Variants in AFF2 observed in about 807,000 individuals in gnomAD.
AFF2 encodes the protein ALF transcription elongation factor 2, also known as AF4/FMR2 family member 2.
AFF2 carries 14 observed loss-of-function variants against 76.9 expected under a neutral mutation model. The ratio of observed to expected loss-of-function variants is 0.18; its 90% confidence interval spans 0.12 to 0.28. The LOEUF is 0.28. Ranked by LOEUF, AFF2 falls within the 10% of genes least tolerant of loss-of-function variation. The pLI is 1.00. For synonymous variants in AFF2, 398 were observed against 366.7 expected (o/e 1.09, Z -0.98); for missense variants, 868 against 1,001.1 (o/e 0.87, Z 1.79).
At chrX:148,667,445 A>G (rs782498191) in intron 3 of AFF2, among the ~76,000 whole-genome samples, 23 of 112,022 alleles carry the variant, frequency 2.1e-4, no homozygotes, top group Non-Finnish European at 3.8e-4. Context: ...GCTGTTTACA[A>G]CTCATGCTAA....
At chrX:148,853,145 A>C (rs781868984) in intron 7 of AFF2, among the ~76,000 whole-genome samples, 13 of 112,062 alleles carry the variant, frequency 1.2e-4, no homozygotes, top group African/African-American at 4.2e-4. Context: ...TAATTGTTAA[A>C]TACGAAGGAA....
chrX:148,951,792 G>A (rs2071971853), intron 9 of AFF2, among the ~76,000 whole-genome samples: 1 of 106,564 alleles, frequency 9.4e-6, no homozygotes, highest in Admixed American at 9.7e-5. Flanking sequence ...GGAAATAGGA[G>A]CCCTGTTATA....
At chrX:148,750,468 G>A (rs782628408) in intron 3 of AFF2, among the ~76,000 whole-genome samples, 56 of 111,293 alleles carry the variant, frequency 5.0e-4, no homozygotes, top group African/African-American at 1.8e-3. Flanking sequence ...CCATCCCTCA[G>A]CATGAGGTAT....
chrX:148,839,799 C>T (rs915665926), intron 5 of AFF2, among the ~76,000 whole-genome samples: 9 of 110,649 alleles, frequency 8.1e-5, no homozygotes, highest in Non-Finnish European at 1.7e-4. Flanking sequence ...GAGCTGCCTT[C>T]CCAGCTGCTT....
intron 1 of AFF2, among the ~76,000 whole-genome samples, chrX:148,562,855 G>T (rs1472630623): frequency 1.8e-5 from 2 of 111,913 alleles, no homozygotes; most frequent in South Asian, 7.4e-4. Context: ...CTGGTTGCAT[G>T]GAGTTTACAT....
At chrX:148,932,281 A>G (rs1408729388) in intron 9 of AFF2, among the ~76,000 whole-genome samples, 2 of 112,267 alleles carry the variant, frequency 1.8e-5, no homozygotes, top group Non-Finnish European at 3.8e-5. Context: ...ACAAGCTAGA[A>G]TTATTCTGGA....
chrX:148,579,485 C>CGT (rs1557244022), intron 1 of AFF2, among the ~76,000 whole-genome samples: 18 of 110,391 alleles, frequency 1.6e-4, no homozygotes, highest in Admixed American at 1.3e-3. Flanking sequence ...CACAGCTACA[C>CGT]GTTTTGAAAA....
chrX:148,750,869 A>G (rs1489689883), intron 3 of AFF2, among the ~76,000 whole-genome samples: 1 of 111,788 alleles, frequency 8.9e-6, no homozygotes, highest in Non-Finnish European at 1.9e-5. Flanking sequence ...TTTGGGTCAC[A>G]TGGCACAACT....
At chrX:148,517,743 C>T (rs1423567620) in intron 1 of AFF2, among the ~76,000 whole-genome samples, 3 of 111,192 alleles carry the variant, frequency 2.7e-5, no homozygotes, top group African/African-American at 9.8e-5. Context: ...GATGGCTGGG[C>T]GTGGTGGCTC....
At chrX:148,798,569 C>A (rs1279149757) in intron 3 of AFF2, among the ~76,000 whole-genome samples, 1 of 112,278 alleles carries the variant, frequency 8.9e-6, no homozygotes, top group Non-Finnish European at 1.9e-5. Flanking sequence ...AAGAGTAGGT[C>A]TGGTTAGTTC....
intron 2 of AFF2, among the ~76,000 whole-genome samples, chrX:148,659,425 G>A (rs2054283841): frequency 8.9e-6 from 1 of 112,249 alleles, no homozygotes; most frequent in Non-Finnish European, 1.9e-5. Flanking sequence ...ACTTTTCAGG[G>A]CATGGAGGTA....
chrX:148,712,827 C>G (rs1603284831), intron 3 of AFF2, among the ~76,000 whole-genome samples: 1 of 112,037 alleles, frequency 8.9e-6, no homozygotes, highest in East Asian at 2.8e-4. Flanking sequence ...CAAGTCAGGA[C>G]TCTGCCGTCT....
intron 3 of AFF2, among the ~76,000 whole-genome samples, chrX:148,801,783 A>G (rs1569555746): frequency 1.8e-5 from 2 of 111,468 alleles, no homozygotes; most frequent in Non-Finnish European, 3.8e-5. Flanking sequence ...CCTTGACTCC[A>G]CATCACCACT....
At chrX:148,641,107 T>C (rs1176375587) in intron 1 of AFF2, among the ~76,000 whole-genome samples, 3 of 111,107 alleles carry the variant, frequency 2.7e-5, no homozygotes, top group African/African-American at 1.0e-4. Context: ...CCCAAAAGCT[T>C]TTATTATGTC....
intron 3 of AFF2, among the ~76,000 whole-genome samples, chrX:148,696,483 G>C: frequency 9.0e-6 from 1 of 110,972 alleles, no homozygotes; most frequent in Non-Finnish European, 1.9e-5. Flanking sequence ...TTTCAAATTA[G>C]TTTCTGACTC....
intron 13 of AFF2, among the ~76,000 whole-genome samples, chrX:148,965,888 A>G (rs1382967245): frequency 8.9e-6 from 1 of 111,807 alleles, no homozygotes; most frequent in Non-Finnish European, 1.9e-5. Flanking sequence ...AGCAGAAGGA[A>G]GAGGAGGCAC....
chrX:148,771,589 T>C (rs1384669993), intron 3 of AFF2, among the ~76,000 whole-genome samples: 2 of 112,394 alleles, frequency 1.8e-5, no homozygotes, highest in Non-Finnish European at 3.8e-5. Flanking sequence ...ATCTTGTCTC[T>C]GTTGTGATTG....
intron 3 of AFF2, among the ~76,000 whole-genome samples, chrX:148,698,500 A>C (rs1201123812): frequency 8.9e-6 from 1 of 112,721 alleles, no homozygotes; most frequent in Non-Finnish European, 1.9e-5. Context: ...GCAGTTTAGA[A>C]ATCAATGAAT....
chrX:148,819,476 G>A (rs1008214420), intron 4 of AFF2, among the ~76,000 whole-genome samples: 1 of 111,158 alleles, frequency 9.0e-6, no homozygotes, highest in Non-Finnish European at 1.9e-5. Flanking sequence ...TGAAGTGTCT[G>A]TTCAAATCAT....
Sources: gnomAD v4.1 joint callset for allele counts (sites outside exome capture counted in the v4.1 genomes callset) on GRCh38, gnomAD v4.1.1 for gene constraint, MANE v1.5 for transcripts, NCBI Gene and HGNC (gene_info 2026-07-23, HGNC 2026-07-21) for gene names.